The following C11orf86 variants were observed in gnomAD, a reference collection of about 807,000 sequenced individuals.
The protein encoded by C11orf86 is uncharacterized protein C11orf86.
Under a neutral mutation model 11.1 loss-of-function variants are expected in C11orf86, and 13 were observed. That is an observed-to-expected ratio of 1.17 (90% confidence interval 0.76 to 1.86). The LOEUF is 1.86. Ranked by LOEUF, C11orf86 falls within the 40% of genes most tolerant of loss-of-function variation. The probability of loss-of-function intolerance (pLI) is 0.00; values close to 1 mark genes in which losing one functional copy is unlikely to be tolerated. For synonymous variants in C11orf86, 86 were observed against 64.7 expected, an observed-to-expected ratio of 1.33 and a Z score of -1.58; for missense variants, 144 against 146.5, an observed-to-expected ratio of 0.98 and a Z score of 0.09.
Position 66,975,460 on chromosome 11 carries a change from G to C in C11orf86, c.98G>C (p.Arg33Pro). The change falls in exon 1 of 2, where the codon CGC (arginine) becomes CCC (proline). Residue 33 changes from arginine (R) to proline (P), a missense_variant. Coordinates refer to ENST00000683896, the MANE Select transcript of C11orf86 (RefSeq NM_001353554.2). ...PWGRPQEGQL[R>P]RALSLRQGQE... Reference sequence around the variant, plus strand: ...GGGAGGCCCCAGGAGGGCCAACTCCGCAGGGCGCTAAGCCTCAGACAGGGG... The same window carrying C: ...GGGAGGCCCCAGGAGGGCCAACTCCCCAGGGCGCTAAGCCTCAGACAGGGG... 1 of 1,551,192 alleles carries C rather than the reference G, an allele frequency of 6.4e-7. No individual in the cohort carries two copies. Among genetic ancestry groups the C allele is most frequent in the Non-Finnish European group, 8.7e-7 (1 of 1,146,884 alleles).
rs1300950971 is a variant in C11orf86, at chr11:66,975,560, G to A, written c.198G>A (p.Pro66=). 2.1e-5 allele frequency: 33 copies of A among 1,551,252 alleles called. No homozygotes were observed. Among genetic ancestry groups the A allele is most frequent in the Admixed American group, 5.9e-5 (3 of 50,934 alleles). The change falls in exon 1 of 2, where the codon CCG becomes CCA. Residue 66 remains proline, a synonymous_variant. Transcript: ENST00000683896. The part of the protein sequence containing the change: ...GPDATAQERV[P]GSLGDTEQLI... ...ATGCCACTGCCCAGGAGCGGGTGCC[G>A]GGGAGCCTGGGGGACACAGAGCAGC... is the stretch of plus-strand genomic sequence containing the variant.
rs1313357655 is a variant in C11orf86, at chr11:66,975,587, G to C, written c.225G>C (p.Leu75=). Residue 75 remains leucine (L), a synonymous_variant, in exon 1 of 2, where the codon CTG becomes CTC. Transcript: ENST00000683896. ...VPGSLGDTEQ[L]IQAQRRGSRW... is the part of the protein sequence containing the mutation. ...GGAGCCTGGGGGACACAGAGCAGCT[G>C]ATCCAAGCCCAGCGAAGAGGCAGCC... 9.0e-6 allele frequency: 14 copies of C among 1,551,418 alleles called. No homozygotes were observed. The highest frequency in any genetic ancestry group is 2.0e-5 in the Admixed American group (1 of 50,974).
At chr11:66,975,683 C>T in intron 1 of C11orf86, 45 bp downstream of exon 1, 2 of 1,526,776 alleles carry the variant, frequency 1.3e-6, no homozygotes, top group Non-Finnish European at 1.8e-6. Context: ...AGCAGGTGGG[C>T]AGGGATTCCA....
At position 66,975,428 on chromosome 11, in the gene C11orf86, G is replaced by A. The variant is rs186492027; in HGVS notation, c.66G>A (p.Glu22=). ...EPRPSYGKLQ[E]PWGRPQEGQL... ...GACCCTCCTATGGAAAGCTGCAGGA[G>A]CCCTGGGGGAGGCCCCAGGAGGGCC... The change falls in exon 1 of 2, where the codon GAG becomes GAA. Residue 22 remains glutamate (E), a synonymous_variant. Transcript: ENST00000683896. 689 of 1,550,974 alleles carry A rather than the reference G, an allele frequency of 4.4e-4. 10 individuals carry two copies. Among genetic ancestry groups the A allele is most frequent in the Non-Finnish European group, 5.9e-5 (68 of 1,146,896 alleles).
In C11orf86 at chr11:66,976,161, C is replaced by T. The variant is rs144163104; in HGVS notation, c.277-16C>T. The T allele has an allele frequency of 6.4e-7, 1 of 1,551,368 alleles. No homozygotes were observed. Among genetic ancestry groups the T allele is most frequent in the African/African-American group, 1.4e-5 (1 of 73,192 alleles). On this transcript the variant is annotated splice_polypyrimidine_tract_variant and intron_variant, in intron 1 of 1. Coordinates refer to ENST00000683896, the MANE Select transcript of C11orf86 (RefSeq NM_001353554.2). ...ACCACTCAGCCCATGGGACCTCCCC[C>T]ACCTCTGTCTTCCAGCAGGTAAGAA...
rs536837481 is a variant in C11orf86, at chr11:66,975,308, G to A, written c.-55G>A. The A allele has an allele frequency of 4.6e-6, 7 of 1,518,844 alleles. No homozygotes were observed. In the Admixed American group the frequency reaches 1.8e-4, roughly 38 times the overall value. 94.1% of individuals were successfully genotyped at this position (1,518,844 alleles called of 1,614,324 possible). Reference sequence around the variant, plus strand: ...GTGGAGGCACTGGGCCACCTCAGAGGGCCAGTGTCTTGCTGAGGGGCCGGA... The same window carrying A: ...GTGGAGGCACTGGGCCACCTCAGAGAGCCAGTGTCTTGCTGAGGGGCCGGA... On this transcript the variant is annotated 5_prime_UTR_variant, in exon 1 of 2. Coordinates refer to ENST00000683896, the MANE Select transcript of C11orf86 (RefSeq NM_001353554.2).
chr11:66,976,180 G>A lies in C11orf86; in HGVS notation c.280G>A (p.Val94Ile). Residue 94 changes from valine to isoleucine, a missense_variant, in exon 2 of 2, where the codon GTA becomes ATA. By Grantham distance (29) the Val-to-Ile change is conservative. Coordinates refer to ENST00000683896, the MANE Select transcript of C11orf86 (RefSeq NM_001353554.2). ...RWWLRRYQQQVRRRWESFVAI... is the reference protein window; with the variant it reads ...RWWLRRYQQQIRRRWESFVAI... ...CTCCCCCACCTCTGTCTTCCAGCAG[G>A]TAAGAAGAAGGTGGGAGAGCTTTGT... 6.4e-7 allele frequency: 1 copy of A among 1,551,466 alleles called. No homozygotes were observed. Among genetic ancestry groups the A allele is most frequent in the Non-Finnish European group, 8.7e-7 (1 of 1,146,972 alleles).
At position 66,975,494 on chromosome 11, in the gene C11orf86, G is replaced by C. The variant is rs1203685452; in HGVS notation, c.132G>C (p.Lys44Asn). The change falls in exon 1 of 2, where the codon AAG becomes AAC. Residue 44 changes from lysine to asparagine, a missense_variant. Transcript: ENST00000683896. Reference sequence around the variant, plus strand: ...TAAGCCTCAGACAGGGGCAAGAGAAGTCCAGGTCCCAGGGCCTCGAGAGAG... The same window carrying C: ...TAAGCCTCAGACAGGGGCAAGAGAACTCCAGGTCCCAGGGCCTCGAGAGAG... ...RALSLRQGQE[K>N]SRSQGLERGT... is the part of the protein sequence containing the mutation. 1 of 1,551,438 alleles carries C rather than the reference G, an allele frequency of 6.4e-7. No individual in the cohort carries two copies. The highest frequency in any genetic ancestry group is 1.4e-5 in the African/African-American group (1 of 73,058).
At position 66,976,350 on chromosome 11, in the gene C11orf86, A is replaced by C; in HGVS notation, c.*99A>C. The C allele has an allele frequency of 7.6e-7, 1 of 1,318,694 alleles. No individual in the cohort carries two copies. Among genetic ancestry groups the C allele is most frequent in the Non-Finnish European group, 1.1e-6 (1 of 950,342 alleles). The allele number at this position is 1,318,694 out of a possible 1,614,324, so 81.7% of individuals were successfully genotyped here. A position where few individuals can be genotyped will look rare whatever the true frequency, so the allele number is the denominator to read the frequency against. ...CGTGTCTGCTGACCTACCTCTTCACAGCTCTCTGGACTTTGGCTGGGTGGC... is the reference window on the plus strand; with the variant it reads ...CGTGTCTGCTGACCTACCTCTTCACCGCTCTCTGGACTTTGGCTGGGTGGC... On this transcript the variant is annotated 3_prime_UTR_variant, in exon 2 of 2. Transcript: ENST00000683896.
Position 66,976,958 on chromosome 11 carries a change from G to GTT in C11orf86, c.*708_*709insTT, listed in dbSNP as rs1392720356. On this transcript the variant is annotated 3_prime_UTR_variant, in exon 2 of 2. Coordinates refer to ENST00000683896, the MANE Select transcript of C11orf86 (RefSeq NM_001353554.2). ...CTCCGACCCCACCCCACCCCATCCA[G>GTT]TGTCCAGCACTGGAGTCGAACACAG... 1 of 152,244 alleles carries GTT rather than the reference G, an allele frequency of 6.6e-6. No homozygotes were observed. Among genetic ancestry groups the GTT allele is most frequent in the Non-Finnish European group, 1.5e-5 (1 of 68,102 alleles). 9.4% of individuals were successfully genotyped at this position (152,244 alleles called of 1,614,324 possible).
rs1171548045 is a variant in C11orf86 at position 66,976,188 on chromosome 11, A to C, written c.288A>C (p.Arg96Ser). 1.3e-6 allele frequency: 2 copies of C among 1,551,470 alleles called. No homozygotes were observed. The highest frequency in any genetic ancestry group is 1.7e-6 in the Non-Finnish European group (2 of 1,146,952). Reference protein sequence around the residue: ...WLRRYQQQVRRRWESFVAIFP... With the variant: ...WLRRYQQQVRSRWESFVAIFP... Reference sequence around the variant, plus strand: ...CCTCTGTCTTCCAGCAGGTAAGAAGAAGGTGGGAGAGCTTTGTCGCCATCT... The same window carrying C: ...CCTCTGTCTTCCAGCAGGTAAGAAGCAGGTGGGAGAGCTTTGTCGCCATCT... Residue 96 changes from arginine to serine, a missense_variant, in exon 2 of 2, where the codon AGA becomes AGC. Physicochemically the swap from Arg to Ser is moderately radical, Grantham distance 110. Transcript: ENST00000683896.
Position 66,975,470 on chromosome 11 carries a change from A to T in C11orf86, c.108A>T (p.Leu36=), listed in dbSNP as rs1000689050. The part of the protein sequence containing the change: ...RPQEGQLRRA[L]SLRQGQEKSR... ...AGGAGGGCCAACTCCGCAGGGCGCT[A>T]AGCCTCAGACAGGGGCAAGAGAAGT... is the stretch of plus-strand genomic sequence containing the variant. Residue 36 remains leucine (L), a synonymous_variant, in exon 1 of 2, where the codon CTA becomes CTT. Transcript: ENST00000683896. The T allele has an allele frequency of 3.2e-5, 49 of 1,551,182 alleles. No homozygotes were observed. The highest frequency in any genetic ancestry group is 4.2e-5 in the Non-Finnish European group (48 of 1,146,932).
chr11:66,975,451 G>T lies in C11orf86; in HGVS notation c.89G>T (p.Gly30Val), dbSNP rs867672548. The change falls in exon 1 of 2, where the codon GGC becomes GTC. Residue 30 changes from glycine (G) to valine (V), a missense_variant. Physicochemically the swap from Gly to Val is moderately radical, Grantham distance 109. Coordinates refer to ENST00000683896, the MANE Select transcript of C11orf86 (RefSeq NM_001353554.2). ...GAGCCCTGGGGGAGGCCCCAGGAGG[G>T]CCAACTCCGCAGGGCGCTAAGCCTC... is the stretch of plus-strand genomic sequence containing the variant. Reference protein sequence around the residue: ...LQEPWGRPQEGQLRRALSLRQ... With the variant: ...LQEPWGRPQEVQLRRALSLRQ... 2 of 1,550,918 alleles carry T rather than the reference G, an allele frequency of 1.3e-6. No homozygotes were observed. Among genetic ancestry groups the T allele is most frequent in the Non-Finnish European group, 1.7e-6 (2 of 1,146,868 alleles).
In C11orf86 at chr11:66,976,289, C is replaced by T; in HGVS notation, c.*38C>T. On this transcript the variant is annotated 3_prime_UTR_variant, in exon 2 of 2. Transcript: ENST00000683896. ...ACCATCAGCTAAAGATGCTGGAAGC[C>T]ATCGTGGCCCCCTTGCTGTGCCTGG... 8 of 1,543,570 alleles carry T rather than the reference C, an allele frequency of 5.2e-6. No homozygotes were observed. Among genetic ancestry groups the T allele is most frequent in the Non-Finnish European group, 7.0e-6 (8 of 1,142,422 alleles).
At chr11:66,976,112 AT>A in intron 1 of C11orf86, 64 bp from the exon 2 acceptor site, 1 of 1,464,550 alleles carries the variant, frequency 6.8e-7, no homozygotes, top group South Asian at 1.2e-5. Flanking sequence ...CCTCGTGGCT[AT>A]GGGTGGAACA....
In C11orf86 at chr11:66,976,589, C is replaced by T. The variant is rs931183530; in HGVS notation, c.*338C>T. On this transcript the variant is annotated 3_prime_UTR_variant, in exon 2 of 2. Coordinates refer to ENST00000683896, the MANE Select transcript of C11orf86 (RefSeq NM_001353554.2). ...GCCTGCCCGGAATGGGGGCTGTGGACGCTCCTGCCCCACACGACCAGCTGT... is the reference window on the plus strand; with the variant it reads ...GCCTGCCCGGAATGGGGGCTGTGGATGCTCCTGCCCCACACGACCAGCTGT... The T allele has an allele frequency of 7.3e-6, 2 of 275,260 alleles. No individual in the cohort carries two copies. The highest frequency in any genetic ancestry group is 1.4e-5 in the Non-Finnish European group (2 of 145,092). The allele number at this position is 275,260 out of a possible 1,614,324, so 17.1% of individuals were successfully genotyped here. A position where few individuals can be genotyped will look rare whatever the true frequency, so the allele number is the denominator to read the frequency against.
rs1406745354 is a variant in C11orf86 at position 66,975,326 on chromosome 11, G to A, written c.-37G>A. On this transcript the variant is annotated 5_prime_UTR_variant, in exon 1 of 2. Coordinates refer to ENST00000683896, the MANE Select transcript of C11orf86 (RefSeq NM_001353554.2). ...CTCAGAGGGCCAGTGTCTTGCTGAG[G>A]GGCCGGAGCAGTCCTGTGCCTGCAG... is the stretch of plus-strand genomic sequence containing the variant. The A allele has an allele frequency of 3.3e-6, 5 of 1,522,672 alleles. No homozygotes were observed. In the African/African-American group the frequency reaches 4.2e-5, roughly 13 times the overall value. The allele number at this position is 1,522,672 out of a possible 1,614,324, so 94.3% of individuals were successfully genotyped here.
intron 1 of C11orf86, 109 bp from the exon 2 acceptor site, chr11:66,976,068 T>C (rs1342514385): frequency 1.9e-6 from 2 of 1,040,016 alleles, no homozygotes; most frequent in African/African-American, 1.6e-5. Flanking sequence ...GGGTCTCCAA[T>C]GAGCAGTGCT....
Position 66,976,213 on chromosome 11 carries a change from T to C in C11orf86, c.313T>C (p.Phe105Leu), listed in dbSNP as rs1949787561. Residue 105 changes from phenylalanine (F) to leucine (L), a missense_variant, in exon 2 of 2, where the codon TTC becomes CTC. Phe to Leu is a conservative substitution (Grantham distance 22, BLOSUM62 0). Coordinates refer to ENST00000683896, the MANE Select transcript of C11orf86 (RefSeq NM_001353554.2). ...AAGGTGGGAGAGCTTTGTCGCCATCTTCCCCAGCGTGACTCTGAGTCAGCC... is the reference window on the plus strand; with the variant it reads ...AAGGTGGGAGAGCTTTGTCGCCATCCTCCCCAGCGTGACTCTGAGTCAGCC... ...RRRWESFVAIFPSVTLSQPAS... is the reference protein window; with the variant it reads ...RRRWESFVAILPSVTLSQPAS... The C allele has an allele frequency of 6.4e-7, 1 of 1,551,318 alleles. No individual in the cohort carries two copies. Among genetic ancestry groups the C allele is most frequent in the Admixed American group, 2.0e-5 (1 of 50,976 alleles).
Sources: allele counts gnomAD v4.1 joint callset, GRCh38; gene constraint gnomAD v4.1.1; transcripts MANE v1.5; gene names NCBI Gene and HGNC (gene_info 2026-07-23, HGNC 2026-07-21).